Variants in LYRM1 observed in about 807,000 individuals in gnomAD.
The protein encoded by LYRM1 is LYR motif containing 1, also known as LYR motif-containing protein 1.
In LYRM1, 14 loss-of-function variants were observed where a neutral mutation model predicts 14.9. That is an observed-to-expected ratio of 0.94 (90% CI 0.62 to 1.47). The LOEUF (loss-of-function observed/expected upper bound fraction) is 1.47. LYRM1 is among the 40% of genes most tolerant of loss of function. The probability of loss-of-function intolerance (pLI) is 0.00; values close to 1 mark genes in which losing one functional copy is unlikely to be tolerated. For missense variants in LYRM1, 153 were observed against 149.9 expected (o/e 1.02, Z -0.11); for synonymous variants, 43 against 56.2 (o/e 0.77, Z 1.05).
chr16:20,901,064 A>G lies in LYRM1; in HGVS notation c.-1+175A>G, dbSNP rs905106262. Reference sequence around the variant, plus strand: ...GGTGTCATCGCCACCGGCCTCGGGGACCTGCCTCACGGAAGTGGCTCGCGC... The same window carrying G: ...GGTGTCATCGCCACCGGCCTCGGGGGCCTGCCTCACGGAAGTGGCTCGCGC... On this transcript the variant is annotated intron_variant, in intron 1 of 3. Coordinates refer to ENST00000567954, the MANE Select transcript of LYRM1 (RefSeq NM_001128302.3). This position sits in a 1 kb window ranked among gnomAD's most constrained non-coding sequence, Gnocchi z 4.6. 4.6e-5 allele frequency: 7 copies of G among 152,198 alleles called. No individual in the cohort carries two copies. Among genetic ancestry groups the G allele is most frequent in the African/African-American group, 1.7e-4 (7 of 41,390 alleles). The allele number at this position is 152,198 out of a possible 1,614,324, so 9.4% of individuals were successfully genotyped here.
intron 1 of LYRM1, among the ~76,000 whole-genome samples, chr16:20,913,624 T>C (rs1388516627): frequency 6.6e-6 from 1 of 151,882 alleles, no homozygotes; most frequent in Non-Finnish European, 1.5e-5. Context: ...TATATCTTTT[T>C]GTATCTGAAA....
upstream of LYRM1, chr16:20,900,116 C>A (rs1222676477): frequency 2.8e-5 from 4 of 144,640 alleles, no homozygotes; most frequent in African/African-American, 5.1e-5. Context: ...CTTTCCACCC[C>A]CCTTTCTCGA....
chr16:20,912,603 C>A (rs1231851359), intron 1 of LYRM1, among the ~76,000 whole-genome samples: 1 of 151,906 alleles, frequency 6.6e-6, no homozygotes, highest in Non-Finnish European at 1.5e-5. Flanking sequence ...AAAGGAAACA[C>A]CTAATATCCA....
At chr16:20,923,700 A>G (rs2083322964) in intron 3 of LYRM1, among the ~76,000 whole-genome samples, 1 of 152,092 alleles carries the variant, frequency 6.6e-6, no homozygotes, top group East Asian at 1.9e-4. Context: ...TGCAGGCGAT[A>G]TAGCAAAGAG....
At chr16:20,904,691 TTGTGTGTG>T (rs3841490) in intron 1 of LYRM1, among the ~76,000 whole-genome samples, 1 of 141,062 alleles carries the variant, frequency 7.1e-6, no homozygotes, top group Non-Finnish European at 1.5e-5. Context: ...AAGTCTGTGG[TTGTGTGTG>T]TGTGTGTGTG....
intron 1 of LYRM1, among the ~76,000 whole-genome samples, chr16:20,913,344 T>G (rs2082701569): frequency 6.8e-6 from 1 of 146,242 alleles, no homozygotes; most frequent in Non-Finnish European, 1.5e-5. Context: ...GGAGACAGAG[T>G]CACTGTTGCC....
chr16:20,902,499 AAGG>A (rs1286346911), intron 1 of LYRM1: 10 of 152,234 alleles, frequency 6.6e-5, no homozygotes. Flanking sequence ...GTACCCAGAG[AAGG>A]AGAAGCCAGC....
At chr16:20,920,457 T>C (rs375631496) in intron 3 of LYRM1, 4 of 439,284 alleles carry the variant, frequency 9.1e-6, no homozygotes, top group African/African-American at 8.1e-5. Flanking sequence ...CAGCTCACAC[T>C]GTAGAGCTTT....
chr16:20,923,993 T>C lies in LYRM1; in HGVS notation c.253-7T>C, dbSNP rs1474406159. 2 of 1,487,592 alleles carry C rather than the reference T, an allele frequency of 1.3e-6. No individual in the cohort carries two copies. Among genetic ancestry groups the C allele is most frequent in the Non-Finnish European group, 1.9e-6 (2 of 1,072,786 alleles). The allele number at this position is 1,487,592 out of a possible 1,614,324, so 92.1% of individuals were successfully genotyped here. Reference sequence around the variant, plus strand: ...ATATGATTCTTCATATTATTGTTCTTATTCAGATTCATCTGCCTCCAATGG... The same window carrying C: ...ATATGATTCTTCATATTATTGTTCTCATTCAGATTCATCTGCCTCCAATGG... On this transcript the variant is annotated splice_polypyrimidine_tract_variant and splice_region_variant and intron_variant, in intron 3 of 3. Transcript: ENST00000567954.
chr16:20,910,406 C>T (rs1473427939), intron 1 of LYRM1, among the ~76,000 whole-genome samples: 1 of 152,164 alleles, frequency 6.6e-6, no homozygotes, highest in Admixed American at 6.5e-5. Context: ...AAATCCCTTT[C>T]AGGATTAGTT....
rs763139553 is a variant in LYRM1 at position 20,920,160 on chromosome 16, A to G, written c.198A>G (p.Glu66=). 3 of 1,614,030 alleles carry G rather than the reference A, an allele frequency of 1.9e-6. No homozygotes were observed. Among genetic ancestry groups the G allele is most frequent in the Non-Finnish European group, 2.5e-6 (3 of 1,179,984 alleles). ...DTDLIKQCID[E]CTARIEIGLH... The stretch of plus-strand genomic sequence containing the variant: ...ACCTAATTAAACAGTGTATAGATGA[A>G]TGCACAGCCAGGATTGAAATTGGAC... Residue 66 remains glutamate (E), a synonymous_variant, in exon 3 of 4, where the codon GAA becomes GAG. Transcript: ENST00000567954.
In LYRM1 at chr16:20,915,669, G is replaced by A. The variant is rs1251578313; in HGVS notation, c.114G>A (p.Gln38=). The change falls in exon 2 of 4, where the codon CAG becomes CAA. Residue 38 remains glutamine, a synonymous_variant. Transcript: ENST00000567954. ...TGGAAGACACCATCAAAGAAAAACA[G>A]TACATACTAAATGAAGCCAGAACGC... ...GQMEDTIKEK[Q]YILNEARTLF... is the part of the protein sequence containing the mutation. The A allele has an allele frequency of 1.9e-6, 3 of 1,614,014 alleles. No homozygotes were observed. The highest frequency in any genetic ancestry group is 2.2e-5 in the South Asian group (2 of 91,088).
chr16:20,919,652 T>C (rs916363871), intron 2 of LYRM1, among the ~76,000 whole-genome samples: 2 of 152,262 alleles, frequency 1.3e-5, no homozygotes, highest in African/African-American at 4.8e-5. Context: ...GTTGGAATTT[T>C]ATATAGCTGT....
chr16:20,918,527 G>A lies in LYRM1; in HGVS notation c.160-1595G>A, dbSNP rs556557829. ...AAAAATTTTAACATTAGTATAAGTA[G>A]TATGTGGATATGGCAGAATCATGCA... is the stretch of plus-strand genomic sequence containing the variant. On this transcript the variant is annotated intron_variant, in intron 2 of 3. Coordinates refer to ENST00000567954, the MANE Select transcript of LYRM1 (RefSeq NM_001128302.3). Among the ~76,000 whole-genome samples, 3 of 152,290 alleles carry A rather than the reference G, an allele frequency of 2.0e-5. No individual in the cohort carries two copies. The South Asian group carries it at 6.2e-4, about 32-fold the overall frequency.
chr16:20,923,932 A>C (rs555031650), intron 3 of LYRM1, 68 bp from the exon 4 acceptor site: 1 of 837,746 alleles, frequency 1.2e-6, no homozygotes, highest in East Asian at 2.4e-5. Context: ...TTCTGAGTAG[A>C]TCCTCAGTGA....
chr16:20,904,631 C>T (rs1468176282), intron 1 of LYRM1, among the ~76,000 whole-genome samples: 1 of 151,556 alleles, frequency 6.6e-6, no homozygotes, highest in Non-Finnish European at 1.5e-5. Flanking sequence ...AGGCATTACA[C>T]TTCCCTTTTT....
At chr16:20,904,103 T>C (rs920204476) in intron 1 of LYRM1, among the ~76,000 whole-genome samples, 1 of 152,198 alleles carries the variant, frequency 6.6e-6, no homozygotes, top group Non-Finnish European at 1.5e-5. Flanking sequence ...GACTGACCCG[T>C]ACCTTTTCTT....
At chr16:20,908,917 C>A (rs188659669) in intron 1 of LYRM1, among the ~76,000 whole-genome samples, 1 of 152,346 alleles carries the variant, frequency 6.6e-6, no homozygotes, top group East Asian at 1.9e-4. Context: ...GAGTCCACAT[C>A]ACAGTTTTTG....
In LYRM1 at chr16:20,924,107, A is replaced by C; in HGVS notation, c.360A>C (p.Glu120Asp). 1 of 1,578,010 alleles carries C rather than the reference A, an allele frequency of 6.3e-7. No individual in the cohort carries two copies. Among genetic ancestry groups the C allele is most frequent in the Non-Finnish European group, 8.7e-7 (1 of 1,151,078 alleles). The change falls in exon 4 of 4, where the codon GAA becomes GAC. Residue 120 changes from glutamate to aspartate, a missense_variant. By Grantham distance (45) the Glu-to-Asp change is conservative. Coordinates refer to ENST00000567954, the MANE Select transcript of LYRM1 (RefSeq NM_001128302.3). ...SKPVYLRSHD[E>D]VS ...CAGTATATCTCAGATCTCATGATGA[A>C]GTTTCCTAATCTAGAGGAAAGTTTA...
Sources: gnomAD v4.1 joint callset for allele counts (sites outside exome capture counted in the v4.1 genomes callset) on GRCh38, gnomAD v4.1.1 for gene constraint, Gnocchi (gnomAD v3.1) non-coding constraint, MANE v1.5 for transcripts, NCBI Gene and HGNC (gene_info 2026-07-23, HGNC 2026-07-21) for gene names.